The following AMPH variants were observed in gnomAD, a reference collection of about 807,000 sequenced individuals.
AMPH encodes amphiphysin (Stiff-Mann syndrome with breast cancer 128kD autoantigen).
AMPH carries 49 observed loss-of-function variants against 99.1 expected under a neutral mutation model. The observed-to-expected ratio is 0.49, with a 90% CI of 0.39 to 0.63. The LOEUF (loss-of-function observed/expected upper bound fraction) is 0.63, where lower values mean the gene tolerates loss of function less well. Among genes scored for constraint, AMPH ranks in the 20% least tolerant of loss-of-function variants. The pLI, the probability that AMPH is intolerant of heterozygous loss-of-function variation, is 0.00. For missense variants in AMPH, 759 were observed against 863.4 expected (o/e 0.88, Z 1.52); for synonymous variants, 314 against 317.3 (o/e 0.99, Z 0.11).
At chr7:38,430,074 A>T (rs986001847) in intron 13 of AMPH, 1 of 526,586 alleles carries the variant, frequency 1.9e-6, no homozygotes, top group Non-Finnish European at 3.3e-6. Flanking sequence ...ATGAAACACA[A>T]AGAAAGCCTC....
chr7:38,477,003 G>T (rs1395706263), intron 5 of AMPH, 34 bp from the exon 6 acceptor site: 1 of 1,591,566 alleles, frequency 6.3e-7, no homozygotes, highest in African/African-American at 1.3e-5. Context: ...TAAGAAAGAA[G>T]CATGGACATA....
chr7:38,445,165 G>A (rs1199566014), intron 11 of AMPH, among the ~76,000 whole-genome samples: 1 of 150,278 alleles, frequency 6.7e-6, no homozygotes, highest in Non-Finnish European at 1.5e-5. Context: ...TTCCACAAAG[G>A]TACAAAGGCA....
chr7:38,474,213 T>G (rs973590568), intron 7 of AMPH, among the ~76,000 whole-genome samples: 1 of 151,788 alleles, frequency 6.6e-6, no homozygotes, highest in African/African-American at 2.4e-5. Flanking sequence ...TGCAAAGCTT[T>G]GAGGTTTCGG....
chr7:38,453,536 C>T (rs2089986993), intron 11 of AMPH, among the ~76,000 whole-genome samples: 1 of 152,230 alleles, frequency 6.6e-6, no homozygotes, highest in Admixed American at 6.5e-5. Flanking sequence ...GGGGACTCTC[C>T]TGGCATCTGT....
intron 1 of AMPH, among the ~76,000 whole-genome samples, chr7:38,544,500 T>C (rs941708347): frequency 2.6e-5 from 4 of 152,192 alleles, no homozygotes; most frequent in Non-Finnish European, 2.9e-5. Context: ...TTGCCTGGAA[T>C]TGTGGCTAAT....
rs577437568 is a variant in AMPH at position 38,525,249 on chromosome 7, T to C, written c.150+9682A>G. 4.9e-3 allele frequency among the ~76,000 whole-genome samples: 410 copies of C among 84,096 alleles called. 4 individuals carry two copies. The highest frequency in any genetic ancestry group is 7.2e-3 in the Non-Finnish European group (325 of 45,132). The allele number at this position is 84,096 out of a possible 152,430, so 55.2% of individuals were successfully genotyped here. A position where few individuals can be genotyped will look rare whatever the true frequency, so the allele number is the denominator to read the frequency against. The stretch of plus-strand genomic sequence containing the variant: ...ATAGTTGTGTATATATGTAGTTGTG[T>C]GTGTGTGTGTATATATATATATATA... On this transcript the variant is annotated intron_variant, in intron 2 of 20. Transcript: ENST00000356264.
intron 5 of AMPH, among the ~76,000 whole-genome samples, chr7:38,477,381 C>T (rs1788127962): frequency 6.6e-6 from 1 of 152,134 alleles, no homozygotes; most frequent in African/African-American, 2.4e-5. Context: ...AACACTCACA[C>T]CAACAGCAAT....
chr7:38,497,033 C>G (rs748101576), intron 3 of AMPH, among the ~76,000 whole-genome samples: 20 of 152,108 alleles, frequency 1.3e-4, no homozygotes, highest in Non-Finnish European at 2.9e-4. Flanking sequence ...AAAAGAACTA[C>G]TAATTACAGG....
intron 20 of AMPH, 105 bp downstream of exon 20, chr7:38,389,699 G>A (rs989598911): frequency 6.7e-6 from 6 of 901,686 alleles, no homozygotes; most frequent in Non-Finnish European, 9.0e-6. Context: ...CAGATGGCTT[G>A]TAGCATCTCA....
intron 17 of AMPH, among the ~76,000 whole-genome samples, chr7:38,402,456 G>A (rs539374621): frequency 1.3e-5 from 2 of 152,160 alleles, no homozygotes; most frequent in Non-Finnish European, 2.9e-5. Flanking sequence ...ATCTCTATAG[G>A]CTTGATGTTT....
At chr7:38,512,297 G>A (rs1789570499) in intron 2 of AMPH, among the ~76,000 whole-genome samples, 1 of 152,128 alleles carries the variant, frequency 6.6e-6, no homozygotes, top group Non-Finnish European at 1.5e-5. Context: ...TAAAACTCAT[G>A]CAAATCTGAA....
intron 1 of AMPH, among the ~76,000 whole-genome samples, chr7:38,553,864 G>A (rs956430045): frequency 3.9e-5 from 6 of 152,198 alleles, no homozygotes; most frequent in Non-Finnish European, 8.8e-5. Context: ...TTTGGCTACA[G>A]ATAAAAAAGA....
intron 2 of AMPH, among the ~76,000 whole-genome samples, chr7:38,521,733 G>T (rs1789972350): frequency 6.6e-6 from 1 of 151,992 alleles, no homozygotes; most frequent in African/African-American, 2.4e-5. Context: ...TTCATTCTCT[G>T]TTGGAGGGAT....
At chr7:38,449,129 A>G (rs1218749370) in intron 11 of AMPH, among the ~76,000 whole-genome samples, 1 of 152,180 alleles carries the variant, frequency 6.6e-6, no homozygotes, top group Non-Finnish European at 1.5e-5. Flanking sequence ...ATATCATGGT[A>G]TTTACCAATA....
intron 11 of AMPH, among the ~76,000 whole-genome samples, chr7:38,438,000 A>G (rs1199388977): frequency 6.6e-6 from 1 of 152,144 alleles, no homozygotes; most frequent in African/African-American, 2.4e-5. Flanking sequence ...CCCTTCTGAG[A>G]GCTCTACTTT....
In AMPH at chr7:38,389,846, A is replaced by C. The variant is rs1430501472; in HGVS notation, c.1938T>G (p.Gly646=). 2 of 1,613,820 alleles carry C rather than the reference A, an allele frequency of 1.2e-6. No homozygotes were observed. The highest frequency in any genetic ancestry group is 8.5e-7 in the Non-Finnish European group (1 of 1,179,998). ...ANSDELTLQR[G]DVVLVVPSDS... is the part of the protein sequence containing the mutation. ...CTGAGGGGACCACCAGCACCACATC[A>C]CCCCTTTGTAAGGTAAGTTCATCAG... The change falls in exon 20 of 21, where the codon GGT becomes GGG. Residue 646 remains glycine (G), a synonymous_variant. Transcript: ENST00000356264.
Position 38,612,744 on chromosome 7 carries a change from G to C in AMPH, c.69+18539C>G, listed in dbSNP as rs1793730679. 1.3e-5 allele frequency among the ~76,000 whole-genome samples: 2 copies of C among 152,208 alleles called. 1 individual carries two copies. Among genetic ancestry groups the C allele is most frequent in the South Asian group, 4.1e-4 (2 of 4,830 alleles). On this transcript the variant is annotated intron_variant, in intron 1 of 20. Coordinates refer to ENST00000356264, the MANE Select transcript of AMPH (RefSeq NM_001635.4). ...TGGTCTGTCCCCATCTGCAGTTCTG[G>C]GACACCTCTTTAGAACACTTGGGTG...
chr7:38,608,010 T>C (rs1438313298), intron 1 of AMPH, among the ~76,000 whole-genome samples: 3 of 152,192 alleles, frequency 2.0e-5, no homozygotes, highest in Non-Finnish European at 4.4e-5. Context: ...TTTTTCCATT[T>C]CAATTTTTAG....
intron 7 of AMPH, among the ~76,000 whole-genome samples, chr7:38,474,115 A>G (rs1787995399): frequency 1.3e-5 from 2 of 152,162 alleles, no homozygotes; most frequent in Non-Finnish European, 2.9e-5. Context: ...CAGTGGGACC[A>G]GAGAAAGGGA....
Sources: gnomAD v4.1 joint callset for allele counts (sites outside exome capture counted in the v4.1 genomes callset) on GRCh38, gnomAD v4.1.1 for gene constraint, MANE v1.5 for transcripts, NCBI Gene and HGNC (gene_info 2026-07-23, HGNC 2026-07-21) for gene names.